Variants in LTBP1 observed in about 807,000 individuals in gnomAD.
The protein encoded by LTBP1 is latent-transforming growth factor beta-binding protein 1.
LTBP1 carries 129 observed loss-of-function variants against 207.6 expected under a neutral mutation model. The observed-to-expected ratio is 0.62, with a 90% CI of 0.54 to 0.72. The LOEUF (loss-of-function observed/expected upper bound fraction) is 0.72. Ranked by LOEUF, LTBP1 falls within the 30% of genes least tolerant of loss-of-function variation. LTBP1 has a pLI of 0.00. For synonymous variants in LTBP1, 963 were observed against 833.7 expected, an observed-to-expected ratio of 1.16 and a Z score of -2.67; for missense variants, 2,281 against 2,217.2, an observed-to-expected ratio of 1.03 and a Z score of -0.58.
In LTBP1 at chr2:33,347,628, G is replaced by A; in HGVS notation, c.4000+118G>A. The A allele has an allele frequency of 5.8e-6, 7 of 1,215,222 alleles. No individual in the cohort carries two copies. The South Asian group carries it at 8.4e-5, about 15-fold the overall frequency. 75.3% of individuals were successfully genotyped at this position (1,215,222 alleles called of 1,614,324 possible). Reference sequence around the variant, plus strand: ...AGAAGCAGCCAGATGTCCTGACACAGTGCTGTCTCTGGAAGCTTCCATGAT... The same window carrying A: ...AGAAGCAGCCAGATGTCCTGACACAATGCTGTCTCTGGAAGCTTCCATGAT... On this transcript the variant is annotated intron_variant, in intron 26 of 33. Coordinates refer to ENST00000404816, the MANE Select transcript of LTBP1 (RefSeq NM_206943.4).
At chr2:33,216,799 A>G (rs1229248571) in intron 7 of LTBP1, among the ~76,000 whole-genome samples, 4 of 152,156 alleles carry the variant, frequency 2.6e-5, no homozygotes, top group Non-Finnish European at 5.9e-5. Context: ...GAGGTGGTCT[A>G]ACTTCAGGCC....
intron 25 of LTBP1, among the ~76,000 whole-genome samples, chr2:33,345,660 T>C (rs1246290202): frequency 6.6e-6 from 1 of 152,222 alleles, no homozygotes; most frequent in Non-Finnish European, 1.5e-5. Context: ...TATATATAAA[T>C]GAAATGGAAA....
At chr2:33,225,997 G>T (rs979168738) in intron 9 of LTBP1, among the ~76,000 whole-genome samples, 4 of 152,050 alleles carry the variant, frequency 2.6e-5, no homozygotes, top group African/African-American at 9.7e-5. Context: ...GGACACCTAG[G>T]TTGATTCCAT....
At chr2:33,002,157 T>G (rs1394617430) in intron 2 of LTBP1, among the ~76,000 whole-genome samples, 1 of 80,570 alleles carries the variant, frequency 1.2e-5, no homozygotes, top group African/African-American at 3.7e-5. Flanking sequence ...ATTGTTATAT[T>G]AAAAAAATAG....
At chr2:33,370,473 A>G (rs1254883661) in intron 31 of LTBP1, among the ~76,000 whole-genome samples, 2 of 152,182 alleles carry the variant, frequency 1.3e-5, no homozygotes, top group African/African-American at 4.8e-5. Context: ...TGCATTTCTG[A>G]TAAGTCCCAA....
intron 4 of LTBP1, among the ~76,000 whole-genome samples, chr2:33,122,729 G>T (rs2081209923): frequency 6.6e-6 from 1 of 152,172 alleles, no homozygotes; most frequent in South Asian, 2.1e-4. Flanking sequence ...TAGTGGGGTT[G>T]CTACAAGTGC....
intron 2 of LTBP1, among the ~76,000 whole-genome samples, chr2:33,006,708 A>C (rs4952333): frequency 9.1e-6 from 1 of 110,160 alleles, no homozygotes; most frequent in Non-Finnish European, 2.1e-5. Flanking sequence ...AACATTTTTA[A>C]ATTTTATATG....
At chr2:32,994,919 G>A (rs1170221434) in intron 2 of LTBP1, among the ~76,000 whole-genome samples, 1 of 152,168 alleles carries the variant, frequency 6.6e-6, no homozygotes, top group African/African-American at 2.4e-5. Context: ...GCTGGGCTTG[G>A]TGGCTTATGC....
intron 25 of LTBP1, among the ~76,000 whole-genome samples, chr2:33,343,906 A>G (rs972381011): frequency 6.6e-6 from 1 of 152,260 alleles, no homozygotes; most frequent in Non-Finnish European, 1.5e-5. Flanking sequence ...AAGAAAGGTT[A>G]TCAAATTCAA....
At chr2:33,260,068 C>G (rs2092969243) in intron 13 of LTBP1, among the ~76,000 whole-genome samples, 1 of 152,148 alleles carries the variant, frequency 6.6e-6, no homozygotes, top group South Asian at 2.1e-4. Flanking sequence ...TGAGTAAGAA[C>G]AGAACTTACA....
At chr2:33,037,958 G>A (rs188250188) in intron 3 of LTBP1, among the ~76,000 whole-genome samples, 1 of 152,270 alleles carries the variant, frequency 6.6e-6, no homozygotes, top group East Asian at 1.9e-4. Context: ...AACTCAAGCA[G>A]TCCCCCTGCC....
At chr2:33,242,745 C>G (rs1188018904) in intron 9 of LTBP1, among the ~76,000 whole-genome samples, 7 of 151,846 alleles carry the variant, frequency 4.6e-5, no homozygotes, top group African/African-American at 7.3e-5. Flanking sequence ...CTCACTGTCA[C>G]CAGCCTGGCT....
intron 31 of LTBP1, among the ~76,000 whole-genome samples, chr2:33,370,086 A>G (rs2095048629): frequency 8.5e-6 from 1 of 117,482 alleles, no homozygotes; most frequent in African/African-American, 3.4e-5. Flanking sequence ...CTCATGTGAA[A>G]ATAATATCTG....
At chr2:32,950,402 CA>C (rs1475974445) in intron 2 of LTBP1, among the ~76,000 whole-genome samples, 6 of 151,744 alleles carry the variant, frequency 4.0e-5, no homozygotes, top group Admixed American at 3.3e-4. Context: ...ACTAAAAATA[CA>C]AAAAAATTAG....
chr2:33,046,905 G>T (rs1187240958), intron 3 of LTBP1, among the ~76,000 whole-genome samples: 1 of 152,058 alleles, frequency 6.6e-6, no homozygotes, highest in Non-Finnish European at 1.5e-5. Flanking sequence ...CATAGAGGAA[G>T]TCAAATAGTA....
chr2:33,372,583 A>G (rs1445514589), intron 31 of LTBP1, among the ~76,000 whole-genome samples: 1 of 152,216 alleles, frequency 6.6e-6, no homozygotes, highest in Non-Finnish European at 1.5e-5. Context: ...TTAAAAGTAT[A>G]AGCTTAATCA....
intron 25 of LTBP1, among the ~76,000 whole-genome samples, chr2:33,345,262 C>G (rs768990354): frequency 9.9e-5 from 15 of 152,154 alleles, no homozygotes; most frequent in Non-Finnish European, 1.8e-4. Flanking sequence ...CTTTTCACTC[C>G]TCACACTCAC....
chr2:33,248,878 C>T (rs150968920), intron 10 of LTBP1, among the ~76,000 whole-genome samples: 4,078 of 152,212 alleles, frequency 0.027, 201 homozygotes, highest in African/African-American at 0.092. Flanking sequence ...TGAGCCACCG[C>T]GCCCAGCCAT....
At chr2:32,993,865 G>A (rs1684824427) in intron 2 of LTBP1, among the ~76,000 whole-genome samples, 1 of 152,208 alleles carries the variant, frequency 6.6e-6, no homozygotes, top group African/African-American at 2.4e-5. Flanking sequence ...CCTGTGGCTT[G>A]ATGTTGGGCA....
Sources: gnomAD v4.1 joint callset for allele counts (sites outside exome capture counted in the v4.1 genomes callset) on GRCh38, gnomAD v4.1.1 for gene constraint, MANE v1.5 for transcripts, NCBI Gene and HGNC (gene_info 2026-07-23, HGNC 2026-07-21) for gene names.